PXDNL: variants seen among roughly 807,000 people sequenced by gnomAD.
PXDNL encodes the protein peroxidasin like.
PXDNL carries 145 observed loss-of-function variants against 150.8 expected under a neutral mutation model. The observed-to-expected ratio is 0.96, with a 90% CI of 0.84 to 1.10. The LOEUF (loss-of-function observed/expected upper bound fraction) is 1.10, where lower values mean the gene tolerates loss of function less well. PXDNL is among the 50% of genes least tolerant of loss of function. The pLI is 0.00. For missense variants in PXDNL, 2,087 were observed against 1,873.9 expected, an observed-to-expected ratio of 1.11 and a Z score of -2.10; for synonymous variants, 757 against 725.7, an observed-to-expected ratio of 1.04 and a Z score of -0.69.
intron 1 of PXDNL, among the ~76,000 whole-genome samples, chr8:51,756,729 C>G (rs1161498342): frequency 6.6e-6 from 1 of 151,652 alleles, no homozygotes; most frequent in Non-Finnish European, 1.5e-5. Context: ...AATTTTTTCT[C>G]TCACTTCATT....
At chr8:51,559,000 G>T (rs80240331) in intron 3 of PXDNL, among the ~76,000 whole-genome samples, 3,705 of 151,972 alleles carry the variant, frequency 0.024, 77 homozygotes, top group African/African-American at 0.055. Flanking sequence ...AGGGAAAGAG[G>T]TTAGAAAATT....
intron 1 of PXDNL, among the ~76,000 whole-genome samples, chr8:51,720,229 G>T (rs1186302431): frequency 6.7e-6 from 1 of 149,304 alleles, no homozygotes; most frequent in Non-Finnish European, 1.5e-5. Context: ...TTTGGGGGAA[G>T]TTTTATACAG....
intron 2 of PXDNL, among the ~76,000 whole-genome samples, chr8:51,613,496 A>C (rs1474608054): frequency 1.6e-5 from 2 of 122,224 alleles, no homozygotes; most frequent in Admixed American, 8.5e-5. Flanking sequence ...GGGGGGGGGC[A>C]GGGCGGCAGA....
In PXDNL at chr8:51,608,050, A is replaced by C. The variant is rs141263341; in HGVS notation, c.237-15352T>G. Among the ~76,000 whole-genome samples, 280 of 124,548 alleles carry C rather than the reference A, an allele frequency of 2.2e-3. 4 individuals carry two copies. Among genetic ancestry groups the C allele is most frequent in the African/African-American group, 8.9e-3 (231 of 25,958 alleles). 81.7% of individuals were successfully genotyped at this position (124,548 alleles called of 152,430 possible). ...GAAAGAAAGAAAGAAAGAAAGAAAG[A>C]AAGAAAGCAAGCAAGCAAGCAAGCA... On this transcript the variant is annotated intron_variant, in intron 2 of 22. Transcript: ENST00000356297.
intron 1 of PXDNL, among the ~76,000 whole-genome samples, chr8:51,805,863 C>T (rs1010663852): frequency 1.3e-5 from 2 of 152,124 alleles, no homozygotes; most frequent in South Asian, 4.1e-4. Context: ...AACCTAATGA[C>T]CCTGGAATAG....
At chr8:51,807,346 T>A (rs1267501149) in intron 1 of PXDNL, among the ~76,000 whole-genome samples, 1 of 71,726 alleles carries the variant, frequency 1.4e-5, no homozygotes, top group Non-Finnish European at 6.0e-5. Flanking sequence ...AACAACCTGA[T>A]CTTGTGATAC....
chr8:51,345,884 T>A lies in PXDNL; in HGVS notation c.3965A>T (p.Gln1322Leu). 4 of 1,613,332 alleles carry A rather than the reference T, an allele frequency of 2.5e-6. No individual in the cohort carries two copies. The highest frequency in any genetic ancestry group is 3.4e-6 in the Non-Finnish European group (4 of 1,179,262). ...ATCCTTATCAACAGGATAGCTGTATTGAGCTGAGCGTTTCTTTTGAGACTC... is the reference window on the plus strand; with the variant it reads ...ATCCTTATCAACAGGATAGCTGTATAGAGCTGAGCGTTTCTTTTGAGACTC... ...TQESQKKRSAQYSYPVDKDME... is the reference protein window; with the variant it reads ...TQESQKKRSALYSYPVDKDME... Residue 1322 changes from glutamine to leucine, a missense_variant, in exon 20 of 23, where the codon CAA (glutamine) becomes CTA (leucine). Physicochemically the swap from Gln to Leu is moderately radical, Grantham distance 113. Transcript: ENST00000356297.
chr8:51,779,816 G>A (rs1429866362), intron 1 of PXDNL, among the ~76,000 whole-genome samples: 1 of 152,200 alleles, frequency 6.6e-6, no homozygotes, highest in Admixed American at 6.5e-5. Context: ...ACACAAGGCA[G>A]GCAGGGACAT....
intron 8 of PXDNL, among the ~76,000 whole-genome samples, chr8:51,462,839 C>T (rs976315104): frequency 6.6e-6 from 1 of 151,942 alleles, no homozygotes; most frequent in African/African-American, 2.4e-5. Context: ...CCAAGACACA[C>T]AGTCATCAGA....
chr8:51,758,178 T>C (rs1413946113), intron 1 of PXDNL, among the ~76,000 whole-genome samples: 1 of 152,206 alleles, frequency 6.6e-6, no homozygotes, highest in East Asian at 1.9e-4. Context: ...CTATTTGTAA[T>C]TAAACTTTCA....
chr8:51,591,184 G>T (rs1169400885), intron 3 of PXDNL, among the ~76,000 whole-genome samples: 2 of 152,064 alleles, frequency 1.3e-5, no homozygotes, highest in Non-Finnish European at 2.9e-5. Context: ...CTTGATCTTG[G>T]ACTTCCCAGC....
intron 14 of PXDNL, among the ~76,000 whole-genome samples, chr8:51,416,608 C>T (rs562207536): frequency 4.2e-4 from 64 of 152,250 alleles, no homozygotes; most frequent in Admixed American, 1.0e-3. Context: ...GTGGCTTTCA[C>T]GATTAATGTG....
intron 17 of PXDNL, among the ~76,000 whole-genome samples, chr8:51,405,262 G>A (rs75994377): frequency 0.022 from 3,370 of 152,282 alleles, 146 homozygotes; most frequent in African/African-American, 0.075. Flanking sequence ...CCTCAACAGC[G>A]GCCTGAGTGG....
chr8:51,566,938 A>G (rs1812841674), intron 3 of PXDNL, among the ~76,000 whole-genome samples: 1 of 151,570 alleles, frequency 6.6e-6, no homozygotes, highest in Non-Finnish European at 1.5e-5. Flanking sequence ...TATACCTCTA[A>G]GGACTGCTTT....
intron 12 of PXDNL, among the ~76,000 whole-genome samples, chr8:51,446,153 T>C (rs186768082): frequency 6.6e-6 from 1 of 152,322 alleles, no homozygotes; most frequent in East Asian, 1.9e-4. Context: ...ATCATGAACA[T>C]GTCAGCATTC....
rs768006980 is a variant in PXDNL, at chr8:51,411,325, C to T, written c.1987G>A (p.Glu663Lys). Residue 663 changes from glutamate to lysine, a missense_variant, in exon 16 of 23, where the codon GAG becomes AAG. Physicochemically the swap from Glu to Lys is moderately conservative, Grantham distance 56 (BLOSUM62 1). Coordinates refer to ENST00000356297, the MANE Select transcript of PXDNL (RefSeq NM_144651.5). ...PLIVEMARAGEIFEHTLQLIR... is the reference protein window; with the variant it reads ...PLIVEMARAGKIFEHTLQLIR... ...AGCTGCAGCGTGTGCTCAAAAATCT[C>T]CCCTGCTCTTGCCATTTCCACAATC... 9 of 1,589,754 alleles carry T rather than the reference C, an allele frequency of 5.7e-6. No homozygotes were observed. The Admixed American group carries it at 9.1e-5, about 16-fold the overall frequency.
chr8:51,403,439 G>GC (rs1563394361), intron 17 of PXDNL, among the ~76,000 whole-genome samples: 1 of 152,150 alleles, frequency 6.6e-6, no homozygotes, highest in African/African-American at 2.4e-5. Flanking sequence ...CCTCTAAGGG[G>GC]CAGTGTTCCA....
intron 19 of PXDNL, among the ~76,000 whole-genome samples, chr8:51,350,037 A>G (rs748842171): frequency 2.0e-5 from 3 of 152,174 alleles, no homozygotes; most frequent in African/African-American, 7.2e-5. Context: ...TGTCTGGGGT[A>G]TATACCCTGG....
chr8:51,330,865 A>G (rs1805660972), intron 21 of PXDNL, among the ~76,000 whole-genome samples: 1 of 152,234 alleles, frequency 6.6e-6, no homozygotes, highest in East Asian at 1.9e-4. Flanking sequence ...AGACTAGAGT[A>G]TGACTGATCC....
Sources: allele counts gnomAD v4.1 joint callset (sites outside exome capture counted in the v4.1 genomes callset), GRCh38; gene constraint gnomAD v4.1.1; transcripts MANE v1.5; gene names NCBI Gene and HGNC (gene_info 2026-07-23, HGNC 2026-07-21).